C2CD3: variants seen among roughly 807,000 people sequenced by gnomAD.
C2CD3 encodes the protein C2 domain-containing protein 3.
C2CD3 carries 148 observed loss-of-function variants against 234.0 expected under a neutral mutation model. That is an observed-to-expected ratio of 0.63 (90% CI 0.55 to 0.72). C2CD3 has a LOEUF of 0.72. Ranked by LOEUF, C2CD3 falls within the 30% of genes least tolerant of loss-of-function variation. The pLI is 0.00. For missense variants in C2CD3, 2,577 were observed against 2,811.5 expected (o/e 0.92, Z 1.89); for synonymous variants, 1,000 against 1,035.4 (o/e 0.97, Z 0.66).
At chr11:74,046,714 C>T (rs948411529) in intron 28 of C2CD3, among the ~76,000 whole-genome samples, 5 of 152,038 alleles carry the variant, frequency 3.3e-5, no homozygotes, top group Non-Finnish European at 7.4e-5. Flanking sequence ...TGCATTTCTT[C>T]TTGTTTTTGA....
Position 74,074,311 on chromosome 11 carries a change from C to T in C2CD3, c.4893G>A (p.Leu1631=). The change falls in exon 24 of 33, where the codon TTG becomes TTA. Residue 1631 remains leucine, a synonymous_variant. Transcript: ENST00000334126. ...VRLTQEGPAD[L]DGTFAVSILV... ...GGATGCTGACTGCAAACGTTCCATCCAAATCAGCAGGGCCCTCCTGCGTCA... is the reference window on the plus strand; with the variant it reads ...GGATGCTGACTGCAAACGTTCCATCTAAATCAGCAGGGCCCTCCTGCGTCA... 6.2e-7 allele frequency: 1 copy of T among 1,614,178 alleles called. No individual in the cohort carries two copies. The highest frequency in any genetic ancestry group is 1.1e-5 in the South Asian group (1 of 91,068).
rs1031552203 is a variant in C2CD3, at chr11:74,116,652, T to C, written c.1520+1576A>G. ...ATCTACCCAGAGGAAAAGAAGTCAC[T>C]ATATGAAAAAGATACTTGTACTTGC... is the stretch of plus-strand genomic sequence containing the variant. On this transcript the variant is annotated intron_variant, in intron 9 of 32. Transcript: ENST00000334126. Among the ~76,000 whole-genome samples the C allele has an allele frequency of 8.6e-5, 13 of 151,794 alleles. No homozygotes were observed. The Middle Eastern group carries it at 0.01, about 119-fold the overall frequency.
intron 3 of C2CD3, 36 bp from the exon 4 acceptor site, chr11:74,139,864 T>C: frequency 8.1e-7 from 1 of 1,240,518 alleles, no homozygotes. Flanking sequence ...AAATTTTCTT[T>C]AGCATTGATT....
chr11:74,097,918 T>C lies in C2CD3; in HGVS notation c.2979+91A>G, dbSNP rs1590794687. The C allele has an allele frequency of 5.4e-6, 7 of 1,297,278 alleles. No individual in the cohort carries two copies. The East Asian group carries it at 7.1e-5, about 13-fold the overall frequency. 80.4% of individuals were successfully genotyped at this position (1,297,278 alleles called of 1,614,324 possible). A position where few individuals can be genotyped will look rare whatever the true frequency, so the allele number is the denominator to read the frequency against. ...TTATGTTCTTTTGTTGAGCCTTTCATTACAGAAATAAAGGATTTGGGCAAT... is the reference window on the plus strand; with the variant it reads ...TTATGTTCTTTTGTTGAGCCTTTCACTACAGAAATAAAGGATTTGGGCAAT... On this transcript the variant is annotated intron_variant, in intron 16 of 32. Coordinates refer to ENST00000334126, the MANE Select transcript of C2CD3 (RefSeq NM_001286577.2).
intron 15 of C2CD3, among the ~76,000 whole-genome samples, chr11:74,099,712 C>T (rs985099978): frequency 7.9e-5 from 12 of 151,898 alleles, no homozygotes; most frequent in South Asian, 2.1e-4. Flanking sequence ...CTGGTTAAGA[C>T]GGTGAAACCC....
chr11:74,054,551 C>T, intron 26 of C2CD3, 56 bp downstream of exon 26: 1 of 483,364 alleles, frequency 2.1e-6, no homozygotes, highest in South Asian at 2.4e-5. Context: ...AGATTGTTAA[C>T]AGGATGTGAG....
In C2CD3 at chr11:74,090,811, AC is replaced by A. The variant is rs1398540155; in HGVS notation, c.3641+1del. On this transcript the variant is annotated splice_donor_variant, in intron 20 of 32. Coordinates refer to ENST00000334126, the MANE Select transcript of C2CD3 (RefSeq NM_001286577.2). LOFTEE classifies it high-confidence loss of function. The stretch of plus-strand genomic sequence containing the variant: ...AGAATTGCTTGTCTCAGGTGGACTT[AC>A]TTGGCTGCTGCTTGCAGACCACAGG... The A allele has an allele frequency of 6.2e-7, 1 of 1,614,094 alleles. No individual in the cohort carries two copies. Among genetic ancestry groups the A allele is most frequent in the Non-Finnish European group, 8.5e-7 (1 of 1,179,986 alleles).
rs202149539 is a variant in C2CD3, at chr11:74,085,842, A to C, written c.3686T>G (p.Val1229Gly). ...REPALQFSAT[V>G]GVNASVTTHL... ...AGTGGTGACAGAGGCATTGACCCCG[A>C]CTGTGGCACTAAACTGTAGAGCGGG... Residue 1229 changes from valine to glycine, a missense_variant, in exon 21 of 33, where the codon GTC becomes GGC. Val to Gly is a moderately radical substitution (Grantham distance 109). Coordinates refer to ENST00000334126, the MANE Select transcript of C2CD3 (RefSeq NM_001286577.2). 8.5e-5 allele frequency: 137 copies of C among 1,614,106 alleles called. No individual in the cohort carries two copies. In the African/African-American group the frequency reaches 1.6e-3, roughly 19 times the overall value.
chr11:74,031,362 T>C (rs1952515673), intron 31 of C2CD3, among the ~76,000 whole-genome samples: 2 of 152,230 alleles, frequency 1.3e-5, no homozygotes, highest in East Asian at 1.9e-4. Context: ...CCCTGGACTC[T>C]AGCCACAGTG....
intron 15 of C2CD3, among the ~76,000 whole-genome samples, chr11:74,098,514 T>A (rs1956195072): frequency 6.6e-6 from 1 of 152,214 alleles, no homozygotes; most frequent in Non-Finnish European, 1.5e-5. Flanking sequence ...AAGTCCAGTG[T>A]CTGTGATTTG....
chr11:74,115,528 A>G (rs1312120800), intron 9 of C2CD3, among the ~76,000 whole-genome samples: 2 of 152,118 alleles, frequency 1.3e-5, no homozygotes, highest in African/African-American at 4.8e-5. Flanking sequence ...AGAATCAAAA[A>G]TATGAAAACG....
intron 3 of C2CD3, among the ~76,000 whole-genome samples, chr11:74,156,829 G>A (rs1856062747): frequency 6.6e-6 from 1 of 152,150 alleles, no homozygotes; most frequent in African/African-American, 2.4e-5. Context: ...AAATTAGCCG[G>A]GCATGGTGGT....
chr11:74,133,799 G>A (rs1180168051), intron 5 of C2CD3, among the ~76,000 whole-genome samples: 3 of 152,146 alleles, frequency 2.0e-5, no homozygotes, highest in Non-Finnish European at 2.9e-5. Context: ...TCTCCATTCC[G>A]GAGACTCACC....
At chr11:74,022,610 T>G (rs2135403496) in intron 32 of C2CD3, among the ~76,000 whole-genome samples, 1 of 152,250 alleles carries the variant, frequency 6.6e-6, no homozygotes, top group African/African-American at 2.4e-5. Context: ...TAAAGCAAAT[T>G]ACTGCCGTTC....
At position 74,161,464 on chromosome 11, in the gene C2CD3, T is replaced by C. The variant is rs758005451; in HGVS notation, c.418A>G (p.Thr140Ala). Residue 140 changes from threonine (T) to alanine (A), a missense_variant, in exon 3 of 33, where the codon ACC becomes GCC. Physicochemically the swap from Thr to Ala is moderately conservative, Grantham distance 58. Transcript: ENST00000334126. ...GTAAAAAATCCATTGATTTGATGGG[T>C]TGGAGAAAGTTGAGCTAGTCCATTG... ...QINGLAQLSPTHQINGFFTIV... is the reference protein window; with the variant it reads ...QINGLAQLSPAHQINGFFTIV... 6 of 1,600,020 alleles carry C rather than the reference T, an allele frequency of 3.7e-6. No homozygotes were observed. The highest frequency in any genetic ancestry group is 1.7e-5 in the Admixed American group (1 of 58,372).
intron 8 of C2CD3, among the ~76,000 whole-genome samples, chr11:74,118,634 T>A (rs1394865908): frequency 6.6e-6 from 1 of 152,180 alleles, no homozygotes; most frequent in African/African-American, 2.4e-5. Flanking sequence ...TTCTCAATAA[T>A]AATAACTATT....
intron 15 of C2CD3, among the ~76,000 whole-genome samples, chr11:74,098,537 T>C (rs1956196556): frequency 6.6e-6 from 1 of 152,168 alleles, no homozygotes; most frequent in South Asian, 2.1e-4. Context: ...CAGTATCTCA[T>C]GGAGCTTTGC....
intron 13 of C2CD3, among the ~76,000 whole-genome samples, chr11:74,106,112 C>G (rs1956506251): frequency 6.6e-6 from 1 of 152,144 alleles, no homozygotes; most frequent in African/African-American, 2.4e-5. Flanking sequence ...TTTACTTACT[C>G]CTCTTATTCT....
At chr11:74,074,165 A>G (rs1954923259) in intron 24 of C2CD3, 88 bp downstream of exon 24, 2 of 882,762 alleles carry the variant, frequency 2.3e-6, no homozygotes, top group Admixed American at 2.7e-5. Context: ...GATAATTAAC[A>G]GATCCTGCCA....
Sources: allele counts gnomAD v4.1 joint callset (sites outside exome capture counted in the v4.1 genomes callset), GRCh38; gene constraint gnomAD v4.1.1; transcripts MANE v1.5; gene names NCBI Gene and HGNC (gene_info 2026-07-23, HGNC 2026-07-21).